Variants in PLEKHM3 observed in about 807,000 individuals in gnomAD.
The protein encoded by PLEKHM3 is pleckstrin homology domain-containing family M member 3.
A neutral mutation model predicts 81.8 loss-of-function variants in PLEKHM3; 45 were observed. That is an observed-to-expected ratio of 0.55 (90% CI 0.43 to 0.71). The LOEUF is 0.71. PLEKHM3 is among the 30% of genes least tolerant of loss of function. The probability of loss-of-function intolerance (pLI) is 0.00; values close to 1 mark genes in which losing one functional copy is unlikely to be tolerated. For missense variants in PLEKHM3, 788 were observed against 924.3 expected, an observed-to-expected ratio of 0.85 and a Z score of 1.91; for synonymous variants, 352 against 356.4, an observed-to-expected ratio of 0.99 and a Z score of 0.14.
chr2:207,842,106 T>C (rs2092357876), intron 7 of PLEKHM3, among the ~76,000 whole-genome samples: 1 of 152,070 alleles, frequency 6.6e-6, no homozygotes, highest in South Asian at 2.1e-4. Context: ...CCCAGCTAAT[T>C]TTTTGTATTT....
chr2:207,986,009 C>T (rs1691708387), intron 2 of PLEKHM3, among the ~76,000 whole-genome samples: 1 of 149,630 alleles, frequency 6.7e-6, no homozygotes, highest in East Asian at 1.9e-4. Context: ...AAAAAAATAC[C>T]ATGTTCCAGA....
rs756952278 is a variant in PLEKHM3, at chr2:207,930,929, CG to C, written c.1882del (p.Arg628AlafsTer24). On this transcript the variant is annotated frameshift_variant, in exon 5 of 8. Coordinates refer to ENST00000427836, the MANE Select transcript of PLEKHM3 (RefSeq NM_001080475.3). LOFTEE classifies it high-confidence loss of function. ...CRAAVAEDLR[R>X]RIFPREYLLQ... Reference sequence around the variant, plus strand: ...GTCTGAGATTTATGACTCTTACCTGCGGCGGAGATCCTCTGCCACCGCTGCC... The same window carrying C: ...GTCTGAGATTTATGACTCTTACCTGCGCGGAGATCCTCTGCCACCGCTGCC... 1.2e-6 allele frequency: 2 copies of C among 1,612,460 alleles called. No homozygotes were observed. Among genetic ancestry groups the C allele is most frequent in the African/African-American group, 2.7e-5 (2 of 74,886 alleles).
At chr2:207,940,982 GA>G (rs1455399570) in intron 4 of PLEKHM3, among the ~76,000 whole-genome samples, 3 of 152,154 alleles carry the variant, frequency 2.0e-5, no homozygotes, top group African/African-American at 7.2e-5. Context: ...TTTTCTCCTT[GA>G]AGTAGGAGAC....
At chr2:207,968,098 GC>G (rs1690980702) in intron 3 of PLEKHM3, among the ~76,000 whole-genome samples, 1 of 151,698 alleles carries the variant, frequency 6.6e-6, no homozygotes, top group Non-Finnish European at 1.5e-5. Flanking sequence ...TGTAGTATGT[GC>G]ATTGTTTTGA....
chr2:207,935,195 T>C (rs1470514212), intron 4 of PLEKHM3, among the ~76,000 whole-genome samples: 2 of 152,230 alleles, frequency 1.3e-5, no homozygotes, highest in East Asian at 3.8e-4. Flanking sequence ...ATAAGATGTA[T>C]GCCACACACC....
chr2:207,962,580 G>A (rs1690774737), intron 3 of PLEKHM3, among the ~76,000 whole-genome samples: 1 of 152,198 alleles, frequency 6.6e-6, no homozygotes, highest in South Asian at 2.1e-4. Flanking sequence ...TAGCCAGTCA[G>A]TCACTGTGCA....
At chr2:207,972,068 T>C (rs554103809) in intron 3 of PLEKHM3, among the ~76,000 whole-genome samples, 1 of 152,348 alleles carries the variant, frequency 6.6e-6, no homozygotes, top group Admixed American at 6.5e-5. Flanking sequence ...GATTATTTGA[T>C]TCATGTCTTC....
chr2:207,834,837 A>G (rs1406223883), intron 7 of PLEKHM3, among the ~76,000 whole-genome samples: 3 of 151,868 alleles, frequency 2.0e-5, no homozygotes, highest in East Asian at 1.9e-4. Context: ...CTGCTTCTTT[A>G]TGTCCTACCT....
intron 4 of PLEKHM3, 55 bp downstream of exon 4, chr2:207,946,312 G>T: frequency 6.4e-7 from 1 of 1,558,700 alleles, no homozygotes; most frequent in South Asian, 1.2e-5. Context: ...ATCCACCTGA[G>T]AACATATGAA....
chr2:207,865,801 A>AAAAAAAATATATATATATAT, intron 6 of PLEKHM3, among the ~76,000 whole-genome samples: 5 of 25,300 alleles, frequency 2.0e-4, no homozygotes, highest in African/African-American at 4.2e-4. Context: ...AAAAAAAAAA[A>AAAAAAAATATATATATATAT]AGATATATAT....
At chr2:207,881,760 T>C (rs373280136) in intron 6 of PLEKHM3, among the ~76,000 whole-genome samples, 2 of 152,178 alleles carry the variant, frequency 1.3e-5, no homozygotes, top group East Asian at 3.8e-4. Context: ...CTGGGCTCCC[T>C]TCCTTCAATT....
chr2:207,959,847 G>C (rs891469063), intron 3 of PLEKHM3, among the ~76,000 whole-genome samples: 7 of 152,126 alleles, frequency 4.6e-5, no homozygotes, highest in African/African-American at 1.7e-4. Context: ...TTAAATCCAT[G>C]CTTGAATTTC....
intron 6 of PLEKHM3, among the ~76,000 whole-genome samples, chr2:207,862,488 A>G (rs1436241095): frequency 6.6e-6 from 1 of 152,072 alleles, no homozygotes; most frequent in Non-Finnish European, 1.5e-5. Context: ...AATACAAAAA[A>G]TTAGCCGGGC....
intron 2 of PLEKHM3, among the ~76,000 whole-genome samples, chr2:207,985,744 T>C (rs925216762): frequency 4.6e-5 from 7 of 152,088 alleles, no homozygotes; most frequent in African/African-American, 1.7e-4. Context: ...CCCACCACTT[T>C]GGGAGGCTGA....
intron 7 of PLEKHM3, among the ~76,000 whole-genome samples, chr2:207,852,385 C>G: frequency 6.6e-6 from 1 of 152,156 alleles, no homozygotes; most frequent in East Asian, 1.9e-4. Flanking sequence ...GGCACTAGTA[C>G]TAATAAATGT....
intron 4 of PLEKHM3, among the ~76,000 whole-genome samples, chr2:207,944,088 A>G (rs1315838447): frequency 6.6e-6 from 1 of 152,166 alleles, no homozygotes; most frequent in East Asian, 1.9e-4. Flanking sequence ...GAGATGCCCA[A>G]TAGAAAGACA....
intron 3 of PLEKHM3, among the ~76,000 whole-genome samples, chr2:207,964,283 G>C (rs1382834759): frequency 6.6e-6 from 1 of 152,100 alleles, no homozygotes; most frequent in Admixed American, 6.5e-5. Context: ...AAATCAATAG[G>C]AAAGCTTGTT....
chr2:207,995,732 T>C (rs2106078904), intron 2 of PLEKHM3, among the ~76,000 whole-genome samples: 1 of 152,308 alleles, frequency 6.6e-6, no homozygotes, highest in East Asian at 1.9e-4. Context: ...TTATTATTTT[T>C]CCCTCTCTTT....
chr2:207,968,284 C>T (rs1402628258), intron 3 of PLEKHM3, among the ~76,000 whole-genome samples: 2 of 152,012 alleles, frequency 1.3e-5, no homozygotes, highest in East Asian at 1.9e-4. Context: ...AGCATGAACA[C>T]ACAACAGAAA....
Sources: gnomAD v4.1 joint callset for allele counts (sites outside exome capture counted in the v4.1 genomes callset) on GRCh38, gnomAD v4.1.1 for gene constraint, MANE v1.5 for transcripts, NCBI Gene and HGNC (gene_info 2026-07-23, HGNC 2026-07-21) for gene names.